Variants in ATP6V1A observed in about 807,000 individuals in gnomAD.
ATP6V1A encodes V-type proton ATPase catalytic subunit A.
ATP6V1A carries 18 observed loss-of-function variants against 70.1 expected under a neutral mutation model. That is an observed-to-expected ratio of 0.26 (90% CI 0.18 to 0.38). The LOEUF (loss-of-function observed/expected upper bound fraction) is 0.38. Among genes scored for constraint, ATP6V1A ranks in the 10% least tolerant of loss-of-function variants. ATP6V1A has a pLI of 1.00. For synonymous variants in ATP6V1A, 232 were observed against 253.8 expected, an observed-to-expected ratio of 0.91 and a Z score of 0.82; for missense variants, 424 against 772.4, an observed-to-expected ratio of 0.55 and a Z score of 5.35.
intron 2 of ATP6V1A, among the ~76,000 whole-genome samples, chr3:113,780,229 T>G (rs757811163): frequency 9.4e-4 from 143 of 152,340 alleles, no homozygotes; most frequent in Non-Finnish European, 9.3e-4. Context: ...TCATAAAGCT[T>G]TAATAGTTTC....
rs2108050293 is a variant in ATP6V1A at position 113,811,492 on chromosome 3, G to A, written c.*2065G>A. On this transcript the variant is annotated 3_prime_UTR_variant, in exon 15 of 15. Transcript: ENST00000273398. ...GCCTACTCAAGAGGCCCTAAGACTG[G>A]TAGAAATTAAAAGGATTTCAAAAAC... 1 of 152,668 alleles carries A rather than the reference G, an allele frequency of 6.6e-6. No homozygotes were observed. Among genetic ancestry groups the A allele is most frequent in the Admixed American group, 6.5e-5 (1 of 15,292 alleles). The allele number at this position is 152,668 out of a possible 1,614,324, so 9.5% of individuals were successfully genotyped here. A position where few individuals can be genotyped will look rare whatever the true frequency, so the allele number is the denominator to read the frequency against.
At chr3:113,799,835 A>G (rs1338411367) in intron 12 of ATP6V1A, among the ~76,000 whole-genome samples, 1 of 152,216 alleles carries the variant, frequency 6.6e-6, no homozygotes, top group African/African-American at 2.4e-5. Context: ...CCAGAAATAT[A>G]TATTTCTTCT....
At chr3:113,789,368 C>T (rs1466229268) in intron 7 of ATP6V1A, among the ~76,000 whole-genome samples, 1 of 151,964 alleles carries the variant, frequency 6.6e-6, no homozygotes, top group Non-Finnish European at 1.5e-5. Flanking sequence ...ATTCTTAAGC[C>T]AAACACTTGA....
chr3:113,786,832 A>G lies in ATP6V1A; in HGVS notation c.716+449A>G, dbSNP rs1217814598. On this transcript the variant is annotated intron_variant, in intron 6 of 14. Coordinates refer to ENST00000273398, the MANE Select transcript of ATP6V1A (RefSeq NM_001690.4). ...CACTCTGTCGCCCAGGCTAGAGTGCAGTGGCATGATCTCAGCTCACTGCAA... is the reference window on the plus strand; with the variant it reads ...CACTCTGTCGCCCAGGCTAGAGTGCGGTGGCATGATCTCAGCTCACTGCAA... Among the ~76,000 whole-genome samples the G allele has an allele frequency of 4.0e-5, 6 of 151,054 alleles. No individual in the cohort carries two copies. In the East Asian group the frequency reaches 1.2e-3, roughly 29 times the overall value.
At chr3:113,804,157 A>AT (rs761414902) in intron 13 of ATP6V1A, among the ~76,000 whole-genome samples, 2,607 of 140,956 alleles carry the variant, frequency 0.018, 21 homozygotes, top group Non-Finnish European at 0.022. Flanking sequence ...TGCCCAGCTA[A>AT]TTTTTTTTTT....
intron 8 of ATP6V1A, among the ~76,000 whole-genome samples, chr3:113,790,340 G>A (rs2603792): frequency 0.37 from 51,288 of 138,440 alleles, 10,364 homozygotes; most frequent in African/African-American, 0.43. Context: ...TACTTACTAT[G>A]TCTTCAGAAT....
intron 4 of ATP6V1A, 61 bp from the exon 5 acceptor site, chr3:113,784,635 G>A: frequency 1.3e-6 from 2 of 1,577,094 alleles, no homozygotes; most frequent in Non-Finnish European, 1.7e-6. Context: ...AATTATAGCA[G>A]CAGGGGCAAG....
chr3:113,775,638 A>G (rs930790692), intron 1 of ATP6V1A, among the ~76,000 whole-genome samples: 4 of 152,208 alleles, frequency 2.6e-5, no homozygotes, highest in African/African-American at 7.2e-5. Context: ...GATTTGTCCA[A>G]GATGTTCTGC....
chr3:113,782,305 T>C (rs1209543384), intron 3 of ATP6V1A, among the ~76,000 whole-genome samples: 1 of 151,974 alleles, frequency 6.6e-6, no homozygotes, highest in African/African-American at 2.4e-5. Context: ...TCTTTTAATC[T>C]GTTTAATCTT....
chr3:113,784,594 T>C, intron 4 of ATP6V1A, 102 bp from the exon 5 acceptor site: 1 of 1,459,828 alleles, frequency 6.9e-7, no homozygotes, highest in East Asian at 2.3e-5. Flanking sequence ...TTAGAACTAA[T>C]GTTTTATTGA....
At chr3:113,803,951 T>A (rs1709248507) in intron 13 of ATP6V1A, among the ~76,000 whole-genome samples, 1 of 152,188 alleles carries the variant, frequency 6.6e-6, no homozygotes, top group African/African-American at 2.4e-5. Context: ...TATTCCCTCC[T>A]TCAGAAGCCT....
intron 1 of ATP6V1A, among the ~76,000 whole-genome samples, chr3:113,761,042 G>A (rs533801343): frequency 4.0e-4 from 61 of 151,868 alleles, no homozygotes; most frequent in Admixed American, 2.2e-3. Flanking sequence ...ACTCCAGCCT[G>A]CCCATAGAGC....
intron 1 of ATP6V1A, among the ~76,000 whole-genome samples, chr3:113,758,361 T>A (rs1052428238): frequency 3.3e-5 from 5 of 152,198 alleles, no homozygotes; most frequent in African/African-American, 1.2e-4. Flanking sequence ...AGCACTGTAA[T>A]CAATATAGTG....
chr3:113,801,990 A>T (rs1709218543), intron 12 of ATP6V1A, among the ~76,000 whole-genome samples: 1 of 151,648 alleles, frequency 6.6e-6, no homozygotes, highest in Non-Finnish European at 1.5e-5. Context: ...GGGCTTGTCC[A>T]TTTTCCACTC....
At chr3:113,762,511 TG>T in intron 1 of ATP6V1A, among the ~76,000 whole-genome samples, 1 of 151,876 alleles carries the variant, frequency 6.6e-6, no homozygotes, top group East Asian at 1.9e-4. Context: ...GAGGTTGCAG[TG>T]AGCCGAGATT....
chr3:113,807,522 T>A (rs143769101), intron 14 of ATP6V1A, among the ~76,000 whole-genome samples: 16 of 152,304 alleles, frequency 1.1e-4, no homozygotes, highest in African/African-American at 3.8e-4. Context: ...GAGCCAACAG[T>A]ACATTATGGT....
At chr3:113,747,305 G>A (rs2108001564) in intron 1 of ATP6V1A, 192 bp downstream of exon 1, 1 of 152,430 alleles carries the variant, frequency 6.6e-6, no homozygotes, top group South Asian at 2.1e-4. Flanking sequence ...CCGCTACTTG[G>A]GGATTCAGAT....
chr3:113,781,837 C>T (rs989679523), intron 3 of ATP6V1A, among the ~76,000 whole-genome samples: 2 of 152,108 alleles, frequency 1.3e-5, no homozygotes, highest in African/African-American at 4.8e-5. Context: ...GGTTAAAATT[C>T]TCTAATTATG....
At position 113,781,111 on chromosome 3, in the gene ATP6V1A, C is replaced by T. The variant is rs755432094; in HGVS notation, c.144C>T (p.Ser48=). The change falls in exon 3 of 15, where the codon AGC becomes AGT. Residue 48 remains serine, a synonymous_variant. Coordinates refer to ENST00000273398, the MANE Select transcript of ATP6V1A (RefSeq NM_001690.4). ...AMYELVRVGH[S]ELVGEIIRLE... ...ATGAGCTGGTGAGAGTGGGCCACAG[C>T]GAATTGGTTGGAGAGATTATTCGAT... 6.8e-6 allele frequency: 11 copies of T among 1,613,480 alleles called. No individual in the cohort carries two copies. The highest frequency in any genetic ancestry group is 1.7e-5 in the Admixed American group (1 of 59,948).
Sources: gnomAD v4.1 joint callset for allele counts (sites outside exome capture counted in the v4.1 genomes callset) on GRCh38, gnomAD v4.1.1 for gene constraint, MANE v1.5 for transcripts, NCBI Gene and HGNC (gene_info 2026-07-23, HGNC 2026-07-21) for gene names.